USP53: variants seen among roughly 807,000 people sequenced by gnomAD.
USP53 encodes the protein ubiquitin specific peptidase 53.
Under a neutral mutation model 94.9 loss-of-function variants are expected in USP53, and 71 were observed. The observed-to-expected ratio is 0.75, with a 90% CI of 0.62 to 0.91. The LOEUF (loss-of-function observed/expected upper bound fraction) is 0.91. USP53 is among the 40% of genes least tolerant of loss of function. USP53 has a pLI of 0.00. For synonymous variants in USP53, 375 were observed against 422.7 expected (o/e 0.89, Z 1.39); for missense variants, 1,173 against 1,281.0 (o/e 0.92, Z 1.29).
chr4:119,278,293 C>T (rs532754256), intron 17 of USP53, among the ~76,000 whole-genome samples: 2 of 151,540 alleles, frequency 1.3e-5, no homozygotes, highest in Non-Finnish European at 2.9e-5. Context: ...TAGGGCAGGC[C>T]TAGTGGTGAC....
chr4:119,283,182 T>G (rs2149463855), intron 17 of USP53, among the ~76,000 whole-genome samples: 1 of 152,112 alleles, frequency 6.6e-6, no homozygotes, highest in South Asian at 2.1e-4. Context: ...TTTTAGCCCC[T>G]GTTTTAAAAT....
rs752128974 is a variant in USP53, at chr4:119,268,381, A to G, written c.1249A>G (p.Asn417Asp). 5.0e-6 allele frequency: 8 copies of G among 1,613,854 alleles called. No individual in the cohort carries two copies. The highest frequency in any genetic ancestry group is 6.8e-6 in the Non-Finnish European group (8 of 1,179,912). Reference sequence around the variant, plus strand: ...TCCAACTGATAATATTTCATCATCTAATCGGAGCCACAGTCACACAGGTGT... The same window carrying G: ...TCCAACTGATAATATTTCATCATCTGATCGGAGCCACAGTCACACAGGTGT... The part of the protein sequence containing the change: ...KFPTDNISSS[N>D]RSHSHTGVGK... Residue 417 changes from asparagine to aspartate, a missense_variant, in exon 14 of 19, where the codon AAT becomes GAT. Coordinates refer to ENST00000692078, the MANE Select transcript of USP53 (RefSeq NM_001371395.1).
Position 119,259,872 on chromosome 4 carries a change from T to C in USP53, c.622T>C (p.Phe208Leu), listed in dbSNP as rs754398371. Reference protein sequence around the residue: ...ERHERFKPEMFAELLQAANTT... With the variant: ...ERHERFKPEMLAELLQAANTT... ...GCATGAACGCTTTAAACCTGAAATG[T>C]TTGCAGAATTGCTACAAGCAGCAAA... is the stretch of plus-strand genomic sequence containing the variant. The change falls in exon 10 of 19, where the codon TTT becomes CTT. Residue 208 changes from phenylalanine to leucine, a missense_variant. Coordinates refer to ENST00000692078, the MANE Select transcript of USP53 (RefSeq NM_001371395.1). The C allele has an allele frequency of 1.2e-5, 20 of 1,612,684 alleles. No individual in the cohort carries two copies. The highest frequency in any genetic ancestry group is 1.6e-5 in the Non-Finnish European group (19 of 1,179,342).
intron 17 of USP53, among the ~76,000 whole-genome samples, chr4:119,285,818 C>G (rs531329396): frequency 2.6e-5 from 4 of 151,844 alleles, no homozygotes; most frequent in Non-Finnish European, 4.4e-5. Context: ...AAGAATTTCA[C>G]AAACTGGTAA....
At chr4:119,288,052 G>C (rs186397205) in intron 17 of USP53, among the ~76,000 whole-genome samples, 126 of 152,288 alleles carry the variant, frequency 8.3e-4, no homozygotes, top group African/African-American at 3.0e-3. Context: ...TTGGGCCTCA[G>C]ATATCTTTAT....
At chr4:119,215,857 T>C (rs1743670150) in intron 2 of USP53, among the ~76,000 whole-genome samples, 1 of 152,206 alleles carries the variant, frequency 6.6e-6, no homozygotes, top group Non-Finnish European at 1.5e-5. Context: ...CTTAGCTATT[T>C]TTATGAACAA....
chr4:119,240,778 C>G (rs549278138), intron 5 of USP53, among the ~76,000 whole-genome samples: 1 of 152,234 alleles, frequency 6.6e-6, no homozygotes, highest in East Asian at 1.9e-4. Context: ...TGCCTTCTAC[C>G]TGAGACAGAT....
intron 11 of USP53, among the ~76,000 whole-genome samples, chr4:119,260,979 C>T (rs1256847438): frequency 1.2e-4 from 8 of 69,558 alleles, no homozygotes; most frequent in Admixed American, 2.2e-4. Flanking sequence ...TTTTTTTTTG[C>T]GGCAGAGTCT....
chr4:119,280,192 T>C (rs1753341111), intron 17 of USP53, among the ~76,000 whole-genome samples: 1 of 152,146 alleles, frequency 6.6e-6, no homozygotes, highest in Non-Finnish European at 1.5e-5. Flanking sequence ...TTAGATTGCT[T>C]CCTTTTTTGA....
intron 17 of USP53, among the ~76,000 whole-genome samples, chr4:119,288,277 T>C (rs1338342402): frequency 1.3e-5 from 2 of 152,224 alleles, no homozygotes; most frequent in Non-Finnish European, 2.9e-5. Context: ...AACAAAAATT[T>C]AGTGAGATGA....
intron 1 of USP53, among the ~76,000 whole-genome samples, chr4:119,213,641 G>GATAGATATATATATATATATATAT (rs1553961988): frequency 2.8e-5 from 3 of 108,114 alleles, no homozygotes; most frequent in Admixed American, 9.4e-5. Context: ...TCTGGAAATA[G>GATAGATATATATATATATATATAT]ATATATATAT....
chr4:119,252,842 G>T (rs751487797), intron 7 of USP53, among the ~76,000 whole-genome samples: 1 of 151,798 alleles, frequency 6.6e-6, no homozygotes, highest in Non-Finnish European at 1.5e-5. Flanking sequence ...TCAATTTTAG[G>T]TATCTCCTGC....
At chr4:119,285,771 C>T (rs916835713) in intron 17 of USP53, among the ~76,000 whole-genome samples, 3 of 151,700 alleles carry the variant, frequency 2.0e-5, no homozygotes, top group Non-Finnish European at 4.4e-5. Flanking sequence ...TTTTGTCAGC[C>T]GATTTTTTTT....
At position 119,271,619 on chromosome 4, in the gene USP53, A is replaced by G. The variant is rs368871423; in HGVS notation, c.1759A>G (p.Met587Val). The G allele has an allele frequency of 3.4e-5, 55 of 1,613,732 alleles. No individual in the cohort carries two copies. Among genetic ancestry groups the G allele is most frequent in the Non-Finnish European group, 4.4e-5 (52 of 1,180,036 alleles). The change falls in exon 16 of 19, where the codon ATG becomes GTG. Residue 587 changes from methionine to valine, a missense_variant. By Grantham distance (21) the Met-to-Val change is conservative. Coordinates refer to ENST00000692078, the MANE Select transcript of USP53 (RefSeq NM_001371395.1). Reference sequence around the variant, plus strand: ...AAGCCGGAACCGAGGTTGGAAACCTATGAGAGAAACATTAAATGTTGATAG... The same window carrying G: ...AAGCCGGAACCGAGGTTGGAAACCTGTGAGAGAAACATTAAATGTTGATAG... ...SKSRNRGWKP[M>V]RETLNVDSIF...
At chr4:119,244,545 C>T (rs1747968815) in intron 5 of USP53, among the ~76,000 whole-genome samples, 1 of 152,072 alleles carries the variant, frequency 6.6e-6, no homozygotes, top group South Asian at 2.1e-4. Context: ...CAGTTGAGTA[C>T]CATACCCTGC....
At chr4:119,258,169 G>A (rs1433101360) in intron 9 of USP53, among the ~76,000 whole-genome samples, 1 of 152,180 alleles carries the variant, frequency 6.6e-6, no homozygotes, top group African/African-American at 2.4e-5. Context: ...AATCTAGTAA[G>A]TGGATGAATT....
chr4:119,279,766 A>G (rs1753245334), intron 17 of USP53, among the ~76,000 whole-genome samples: 1 of 152,214 alleles, frequency 6.6e-6, no homozygotes, highest in African/African-American at 2.4e-5. Context: ...CCATGGGCGT[A>G]GGACCCTCTG....
At chr4:119,215,005 T>G (rs562326072) in intron 2 of USP53, among the ~76,000 whole-genome samples, 24 of 152,324 alleles carry the variant, frequency 1.6e-4, no homozygotes, top group African/African-American at 5.3e-4. Flanking sequence ...TAGAAGATCC[T>G]TTTTGACAGC....
At chr4:119,216,999 T>G (rs1743860244) in intron 2 of USP53, among the ~76,000 whole-genome samples, 1 of 152,196 alleles carries the variant, frequency 6.6e-6, no homozygotes, top group Admixed American at 6.5e-5. Context: ...TTATACATGG[T>G]TTATGATTCT....
Sources: allele counts gnomAD v4.1 joint callset (sites outside exome capture counted in the v4.1 genomes callset), GRCh38; gene constraint gnomAD v4.1.1; transcripts MANE v1.5; gene names NCBI Gene and HGNC (gene_info 2026-07-23, HGNC 2026-07-21).